Variants in REEP5 observed in about 807,000 individuals in gnomAD.
REEP5 encodes receptor expression-enhancing protein 5.
REEP5 carries 24 observed loss-of-function variants against 22.4 expected under a neutral mutation model. The ratio of observed to expected loss-of-function variants is 1.07; its 90% CI spans 0.78 to 1.51. REEP5 has a LOEUF of 1.51. Among genes scored for constraint, REEP5 ranks in the 40% most tolerant of loss-of-function variants. REEP5 has a pLI of 0.00. For synonymous variants in REEP5, 103 were observed against 88.6 expected (o/e 1.16, Z -0.92); for missense variants, 252 against 233.0 (o/e 1.08, Z -0.53).
intron 3 of REEP5, chr5:112,895,647 G>A (rs1232945247): frequency 1.3e-5 from 2 of 152,128 alleles, no homozygotes; most frequent in African/African-American, 2.4e-5. Context: ...GCATTTTCCT[G>A]TTCTGAAATG....
intron 3 of REEP5, chr5:112,892,130 CCG>C: frequency 6.2e-7 from 1 of 1,614,126 alleles, no homozygotes; most frequent in Non-Finnish European, 8.5e-7. Flanking sequence ...CCAGAACCAC[CCG>C]TGGATTTCAG....
intron 2 of REEP5, among the ~76,000 whole-genome samples, chr5:112,912,907 G>A (rs1769137473): frequency 6.6e-6 from 1 of 152,178 alleles, no homozygotes; most frequent in Non-Finnish European, 1.5e-5. Flanking sequence ...AAAAAAAGAA[G>A]GCAGGAAACT....
At chr5:112,892,962 G>A in intron 3 of REEP5, 11 of 1,595,130 alleles carry the variant, frequency 6.9e-6, no homozygotes, top group Non-Finnish European at 8.6e-6. Flanking sequence ...AGGGCCGCCG[G>A]AGCCAGAGCC....
chr5:112,904,771 T>C (rs1254823442), intron 2 of REEP5, among the ~76,000 whole-genome samples: 1 of 152,222 alleles, frequency 6.6e-6, no homozygotes, highest in East Asian at 1.9e-4. Context: ...TTTTAAATGT[T>C]AGTCAAGTTC....
At chr5:112,914,491 G>A (rs1331946620) in intron 2 of REEP5, among the ~76,000 whole-genome samples, 1 of 151,912 alleles carries the variant, frequency 6.6e-6, no homozygotes, top group Non-Finnish European at 1.5e-5. Flanking sequence ...CAGCCTCCCT[G>A]CCTGTCCCCC....
intron 2 of REEP5, among the ~76,000 whole-genome samples, chr5:112,903,035 C>T (rs748379553): frequency 1.3e-5 from 2 of 152,204 alleles, no homozygotes; most frequent in Non-Finnish European, 2.9e-5. Context: ...AAACAAACCT[C>T]ATGGTGTCTA....
chr5:112,880,416 C>T (rs1768033509), intron 4 of REEP5, among the ~76,000 whole-genome samples: 1 of 152,142 alleles, frequency 6.6e-6, no homozygotes, highest in African/African-American at 2.4e-5. Flanking sequence ...ATTTTACAAT[C>T]TGCAGCTGTT....
intron 2 of REEP5, among the ~76,000 whole-genome samples, chr5:112,920,083 G>A (rs1010922270): frequency 6.6e-6 from 1 of 152,156 alleles, no homozygotes; most frequent in African/African-American, 2.4e-5. Flanking sequence ...AGCAGAGCCC[G>A]GGGTAGGCCT....
chr5:112,913,267 T>C (rs1769147321), intron 2 of REEP5, among the ~76,000 whole-genome samples: 1 of 146,366 alleles, frequency 6.8e-6, no homozygotes, highest in African/African-American at 2.5e-5. Flanking sequence ...CACTCCAGCC[T>C]GGGCAACAAG....
intron 4 of REEP5, among the ~76,000 whole-genome samples, chr5:112,881,173 G>C (rs1186299571): frequency 1.3e-5 from 2 of 150,700 alleles, no homozygotes; most frequent in Non-Finnish European, 3.0e-5. Context: ...TAAAGTGGGA[G>C]GAGGTTAAGG....
chr5:112,879,677 T>C (rs531214755), intron 4 of REEP5, among the ~76,000 whole-genome samples: 10 of 152,020 alleles, frequency 6.6e-5, no homozygotes, highest in South Asian at 2.1e-4. Context: ...GGGGTTTCAC[T>C]GTGTTAGCCA....
At chr5:112,883,295 A>G (rs1316905476) in intron 4 of REEP5, among the ~76,000 whole-genome samples, 3 of 152,214 alleles carry the variant, frequency 2.0e-5, no homozygotes, top group African/African-American at 7.2e-5. Flanking sequence ...ATCACTCCAC[A>G]AAATCTGTGT....
At chr5:112,892,560 C>T in intron 3 of REEP5, 1 of 1,614,132 alleles carries the variant, frequency 6.2e-7, no homozygotes, top group Non-Finnish European at 8.5e-7. Context: ...GTGAATTCTG[C>T]CCAGTGACCC....
intron 3 of REEP5, chr5:112,891,693 A>G (rs1365348007): frequency 6.2e-7 from 1 of 1,613,936 alleles, no homozygotes; most frequent in Admixed American, 1.7e-5. Context: ...TTCCAGAGAA[A>G]CCAAGCCACA....
intron 2 of REEP5, among the ~76,000 whole-genome samples, chr5:112,915,052 T>G (rs1769201581): frequency 6.6e-6 from 1 of 152,246 alleles, no homozygotes. Context: ...TATATTTGTA[T>G]TTATACTTGT....
chr5:112,879,285 C>T (rs1306417716), intron 4 of REEP5, among the ~76,000 whole-genome samples: 1 of 136,938 alleles, frequency 7.3e-6, no homozygotes, highest in African/African-American at 2.9e-5. Flanking sequence ...AGTCCTCATT[C>T]CCAGCACTAG....
chr5:112,914,448 G>A (rs1160386919), intron 2 of REEP5, among the ~76,000 whole-genome samples: 6 of 151,834 alleles, frequency 4.0e-5, no homozygotes, highest in Admixed American at 3.9e-4. Flanking sequence ...ATGTTGTCCA[G>A]GCTGGTCTCA....
intron 4 of REEP5, among the ~76,000 whole-genome samples, chr5:112,880,682 T>G (rs1203170197): frequency 6.6e-6 from 1 of 152,222 alleles, no homozygotes; most frequent in African/African-American, 2.4e-5. Context: ...TATTTAGGAA[T>G]GTGTCATAAC....
At chr5:112,913,910 G>A (rs1038810651) in intron 2 of REEP5, among the ~76,000 whole-genome samples, 7 of 137,228 alleles carry the variant, frequency 5.1e-5, no homozygotes, top group Non-Finnish European at 9.8e-5. Context: ...AAAACTGAAT[G>A]TGTGTGTGTT....
Sources: allele counts gnomAD v4.1 joint callset (sites outside exome capture counted in the v4.1 genomes callset), GRCh38; gene constraint gnomAD v4.1.1; transcripts MANE v1.5; gene names NCBI Gene and HGNC (gene_info 2026-07-23, HGNC 2026-07-21).